Variants in CDH7 observed in about 807,000 individuals in gnomAD.
The protein encoded by CDH7 is cadherin 7, also known as cadherin-7.
A neutral mutation model predicts 71.8 loss-of-function variants in CDH7; 25 were observed. The ratio of observed to expected loss-of-function variants is 0.35; its 90% CI spans 0.25 to 0.49. The LOEUF is 0.49. Ranked by LOEUF, CDH7 falls within the 20% of genes least tolerant of loss-of-function variation. The pLI, the probability that CDH7 is intolerant of heterozygous loss-of-function variation, is 0.99. For synonymous variants in CDH7, 381 were observed against 363.8 expected, an observed-to-expected ratio of 1.05 and a Z score of -0.54; for missense variants, 862 against 974.6, an observed-to-expected ratio of 0.88 and a Z score of 1.54.
At chr18:65,840,576 C>T (rs1049319512) in intron 6 of CDH7, among the ~76,000 whole-genome samples, 3 of 152,086 alleles carry the variant, frequency 2.0e-5, no homozygotes, top group Non-Finnish European at 4.4e-5. Flanking sequence ...GGTTTCCCCC[C>T]ATACTGCTCT....
In CDH7 at chr18:65,881,128, G is replaced by GT. The variant is rs1303106948; in HGVS notation, c.*240dup. ...GACCACAGACTCTGAGCATTTGAAG[G>GT]TTTTTTGATAAAAATAAATGCTCAG... On this transcript the variant is annotated 3_prime_UTR_variant, in exon 12 of 12. Transcript: ENST00000397968. 45 of 385,090 alleles carry GT rather than the reference G, an allele frequency of 1.2e-4. No individual in the cohort carries two copies. Among genetic ancestry groups the GT allele is most frequent in the African/African-American group, 8.5e-4 (41 of 48,170 alleles). 23.9% of individuals were successfully genotyped at this position (385,090 alleles called of 1,614,324 possible).
Position 65,881,806 on chromosome 18 carries a change from GA to G in CDH7, c.*914del, listed in dbSNP as rs1366225729. ...GATTTTTCTCCAGCCCGAGCTACAT[GA>G]AGGAAATGAAGCATGGAAATGGAGA... On this transcript the variant is annotated 3_prime_UTR_variant, in exon 12 of 12. Transcript: ENST00000397968. 2.6e-5 allele frequency: 4 copies of G among 152,126 alleles called. No homozygotes were observed. The highest frequency in any genetic ancestry group is 5.9e-5 in the Non-Finnish European group (4 of 68,022). 9.4% of individuals were successfully genotyped at this position (152,126 alleles called of 1,614,324 possible).
chr18:65,784,163 T>A (rs1014946216), intron 2 of CDH7, among the ~76,000 whole-genome samples: 38 of 144,472 alleles, frequency 2.6e-4, no homozygotes, highest in African/African-American at 9.9e-4. Context: ...AGTTGCCCAG[T>A]TTGCTCTCAA....
intron 11 of CDH7, 144 bp downstream of exon 11, chr18:65,863,061 G>C: frequency 3.4e-6 from 3 of 888,816 alleles, no homozygotes; most frequent in Non-Finnish European, 5.1e-6. Flanking sequence ...TCTTTGAGAC[G>C]GGGTCTCACT....
chr18:65,803,782 C>G (rs1277143709), intron 2 of CDH7: 1 of 150,942 alleles, frequency 6.6e-6, no homozygotes, highest in Non-Finnish European at 1.5e-5. Context: ...TAAAATTACC[C>G]TGTATGGGTT....
intron 2 of CDH7, among the ~76,000 whole-genome samples, chr18:65,771,135 C>T (rs1258103946): frequency 6.6e-6 from 1 of 152,116 alleles, no homozygotes; most frequent in Non-Finnish European, 1.5e-5. Context: ...CCTTAGTTTA[C>T]TTGCAAAAGA....
At position 65,768,867 on chromosome 18, in the gene CDH7, A is replaced by G. The variant is rs79467763; in HGVS notation, c.210+5815A>G. 8.0e-3 allele frequency among the ~76,000 whole-genome samples: 1,220 copies of G among 152,162 alleles called. 16 individuals carry two copies. Among genetic ancestry groups the G allele is most frequent in the African/African-American group, 0.028 (1,170 of 41,498 alleles). ...ACTAGTTTGTACAAACATGGTTAACATTGTATCCAAGAAAATCTCTTTTGT... is the reference window on the plus strand; with the variant it reads ...ACTAGTTTGTACAAACATGGTTAACGTTGTATCCAAGAAAATCTCTTTTGT... On this transcript the variant is annotated intron_variant, in intron 2 of 11. Transcript: ENST00000397968.
chr18:65,791,778 A>T (rs774229538), intron 2 of CDH7, among the ~76,000 whole-genome samples: 2 of 152,218 alleles, frequency 1.3e-5, no homozygotes, highest in Non-Finnish European at 2.9e-5. Flanking sequence ...GATTCTGTTC[A>T]GTAAACACTG....
At chr18:65,853,916 T>TATATATATATCC (rs1913239059) in intron 7 of CDH7, among the ~76,000 whole-genome samples, 1 of 59,964 alleles carries the variant, frequency 1.7e-5, no homozygotes, top group African/African-American at 1.0e-4. Context: ...CATATATATA[T>TATATATATATCC]ATATATATAT....
chr18:65,811,950 C>CCTTTTCTTTT (rs970604339), intron 3 of CDH7, among the ~76,000 whole-genome samples: 5 of 121,320 alleles, frequency 4.1e-5, no homozygotes, highest in African/African-American at 1.4e-4. Flanking sequence ...TATCACAGTA[C>CCTTTTCTTTT]CTTTTCTTTT....
rs531744666 is a variant in CDH7, at chr18:65,829,983, C to T, written c.981+5152C>T. Among the ~76,000 whole-genome samples, 8 of 152,154 alleles carry T rather than the reference C, an allele frequency of 5.3e-5. No homozygotes were observed. In the East Asian group the frequency reaches 1.4e-3, roughly 26 times the overall value. ...AGGCCCCATCTGTCAGCCAACTGGT[C>T]AGTCCTACCAGGGCTTTCAAAGATT... On this transcript the variant is annotated intron_variant, in intron 6 of 11. Coordinates refer to ENST00000397968, the MANE Select transcript of CDH7 (RefSeq NM_004361.5).
At chr18:65,879,719 C>A (rs1356632574) in intron 11 of CDH7, among the ~76,000 whole-genome samples, 1 of 152,148 alleles carries the variant, frequency 6.6e-6, no homozygotes, top group East Asian at 1.9e-4. Context: ...AAATTCCTAA[C>A]ATTAAAGGGG....
intron 2 of CDH7, among the ~76,000 whole-genome samples, chr18:65,795,917 C>T (rs1171058746): frequency 6.6e-6 from 1 of 151,752 alleles, no homozygotes; most frequent in Non-Finnish European, 1.5e-5. Flanking sequence ...GGGACACTCC[C>T]TTTTGCTTAG....
chr18:65,792,758 T>C (rs1910759976), intron 2 of CDH7, among the ~76,000 whole-genome samples: 2 of 152,162 alleles, frequency 1.3e-5, no homozygotes, highest in South Asian at 4.2e-4. Context: ...GCAGGCTGAT[T>C]CTGTTAGGCC....
intron 2 of CDH7, among the ~76,000 whole-genome samples, chr18:65,805,928 G>A (rs1426613147): frequency 6.6e-6 from 1 of 151,926 alleles, no homozygotes; most frequent in Non-Finnish European, 1.5e-5. Context: ...AAAAAATGAG[G>A]TGTTTTGCAA....
intron 2 of CDH7, among the ~76,000 whole-genome samples, chr18:65,792,275 G>A (rs939733657): frequency 2.0e-5 from 3 of 150,012 alleles, no homozygotes; most frequent in Non-Finnish European, 4.4e-5. Context: ...AAAGGACAAA[G>A]GAGGGTTTTC....
intron 11 of CDH7, among the ~76,000 whole-genome samples, chr18:65,870,979 A>G (rs191486959): frequency 6.6e-6 from 1 of 152,310 alleles, no homozygotes; most frequent in Non-Finnish European, 1.5e-5. Flanking sequence ...AACCTTTTCC[A>G]CATATTTTAA....
At chr18:65,859,158 T>A (rs1016755844) in intron 9 of CDH7, 112 bp downstream of exon 9, 2 of 979,298 alleles carry the variant, frequency 2.0e-6, no homozygotes, top group Non-Finnish European at 3.1e-6. Flanking sequence ...TCAGCTTGTT[T>A]CAGCAAAACT....
At chr18:65,802,408 C>A (rs774851668) in intron 2 of CDH7, among the ~76,000 whole-genome samples, 13 of 152,298 alleles carry the variant, frequency 8.5e-5, no homozygotes, top group South Asian at 6.2e-4. Context: ...CCATTCCTCT[C>A]AAATTCTGTT....
Sources: allele counts gnomAD v4.1 joint callset (sites outside exome capture counted in the v4.1 genomes callset), GRCh38; gene constraint gnomAD v4.1.1; transcripts MANE v1.5; gene names NCBI Gene and HGNC (gene_info 2026-07-23, HGNC 2026-07-21).